DCAF8L2: variants seen among roughly 807,000 people sequenced by gnomAD.
The protein encoded by DCAF8L2 is DDB1- and CUL4-associated factor 8-like protein 2.
For synonymous variants in DCAF8L2, 200 were observed against 190.9 expected, an observed-to-expected ratio of 1.05 and a Z score of -0.39; for missense variants, 430 against 490.7, an observed-to-expected ratio of 0.88 and a Z score of 1.17.
chrX:27,469,655 C>T, the DCAF8L2 span, among the ~76,000 whole-genome samples: 2 of 111,738 alleles, frequency 1.8e-5, no homozygotes, highest in South Asian at 3.7e-4. Flanking sequence ...TAGGGGAAAT[C>T]TTAAACACTT....
intron 4 of DCAF8L2, among the ~76,000 whole-genome samples, chrX:27,721,567 A>T (rs923592901): frequency 1.8e-5 from 2 of 111,733 alleles, no homozygotes; most frequent in African/African-American, 6.5e-5. Flanking sequence ...TTGAAAATGA[A>T]TTGATGGACA....
At chrX:27,483,502 T>A in the DCAF8L2 span, among the ~76,000 whole-genome samples, 18 of 111,580 alleles carry the variant, frequency 1.6e-4, no homozygotes, top group African/African-American at 5.5e-4. Flanking sequence ...GTACATCAAA[T>A]TAGGAAATTT....
At chrX:27,486,237 C>A in the DCAF8L2 span, among the ~76,000 whole-genome samples, 1 of 109,650 alleles carries the variant, frequency 9.1e-6, no homozygotes, top group Non-Finnish European at 1.9e-5. Context: ...AACCTCTGAC[C>A]TCAGGTGATC....
chrX:27,476,302 A>G, the DCAF8L2 span, among the ~76,000 whole-genome samples: 1 of 111,298 alleles, frequency 9.0e-6, no homozygotes, highest in Non-Finnish European at 1.9e-5. Flanking sequence ...TTAGTGAGAA[A>G]TGGTTGTGAT....
chrX:27,581,202 G>A, the DCAF8L2 span, among the ~76,000 whole-genome samples: 1 of 111,835 alleles, frequency 8.9e-6, no homozygotes, highest in Admixed American at 9.5e-5. Context: ...TCCATCAGCA[G>A]CATTAACTTG....
chrX:27,614,131 C>A (rs5926841), intron 1 of DCAF8L2, among the ~76,000 whole-genome samples: 24,326 of 109,979 alleles, frequency 0.22, 2,538 homozygotes, highest in Middle Eastern at 0.31. Flanking sequence ...AATTTCAGAG[C>A]CTGTTATTGG....
chrX:27,614,448 C>G (rs1396416950), intron 1 of DCAF8L2, among the ~76,000 whole-genome samples: 1 of 111,064 alleles, frequency 9.0e-6, no homozygotes, highest in Non-Finnish European at 1.9e-5. Context: ...GTGTCTCTAT[C>G]TCCTTCAGTT....
the DCAF8L2 span, among the ~76,000 whole-genome samples, chrX:27,470,175 G>A: frequency 4.5e-5 from 5 of 112,068 alleles, no homozygotes; most frequent in African/African-American, 1.6e-4. Flanking sequence ...TTTGTTTACA[G>A]TTAATTAAAA....
intron 1 of DCAF8L2, chrX:27,627,330 T>C (rs1928058081): frequency 9.1e-6 from 1 of 109,610 alleles, no homozygotes; most frequent in South Asian, 3.8e-4. Context: ...AAATATTCCT[T>C]TTTTTTTTCT....
chrX:27,550,901 C>G, the DCAF8L2 span, among the ~76,000 whole-genome samples: 2 of 111,140 alleles, frequency 1.8e-5, no homozygotes, highest in East Asian at 5.7e-4. Context: ...ATATTATGTG[C>G]TCACTTCGTG....
At chrX:27,646,146 C>T (rs1928927813) in intron 2 of DCAF8L2, among the ~76,000 whole-genome samples, 1 of 111,638 alleles carries the variant, frequency 9.0e-6, no homozygotes, top group Non-Finnish European at 1.9e-5. Flanking sequence ...AGGCATGATG[C>T]CACCCAACTT....
At chrX:27,740,331 T>C (rs1921775435) in intron 4 of DCAF8L2, among the ~76,000 whole-genome samples, 1 of 111,845 alleles carries the variant, frequency 8.9e-6, no homozygotes, top group African/African-American at 3.3e-5. Context: ...TTTAAGCCAG[T>C]TTAATTTCTC....
At chrX:27,487,619 A>AT in the DCAF8L2 span, among the ~76,000 whole-genome samples, 1 of 112,323 alleles carries the variant, frequency 8.9e-6, no homozygotes, top group African/African-American at 3.2e-5. Flanking sequence ...AATTGAATTG[A>AT]TTTTTAGCAA....
At position 27,648,165 on chromosome X, in the gene DCAF8L2, T is replaced by C. The variant is rs1929012882; in HGVS notation, c.-220+16165T>C. Among the ~76,000 whole-genome samples the C allele has an allele frequency of 3.6e-5, 4 of 111,194 alleles. No individual in the cohort carries two copies. In the South Asian group the frequency reaches 1.5e-3, roughly 41 times the overall value. Reference sequence around the variant, plus strand: ...AAAATGAGGGAGGAAAAAAGGATACTTTTTAATGACCAAGAAACTTAGATA... The same window carrying C: ...AAAATGAGGGAGGAAAAAAGGATACCTTTTAATGACCAAGAAACTTAGATA... On this transcript the variant is annotated intron_variant, in intron 2 of 4. Coordinates refer to ENST00000451261, the MANE Select transcript of DCAF8L2 (RefSeq NM_001353450.2).
chrX:27,712,488 T>G (rs949224636), intron 3 of DCAF8L2: 4 of 112,057 alleles, frequency 3.6e-5, no homozygotes, highest in African/African-American at 1.3e-4. Context: ...TACATATGCA[T>G]GTTTCACAGG....
the DCAF8L2 span, among the ~76,000 whole-genome samples, chrX:27,576,734 T>C: frequency 1.8e-5 from 2 of 112,205 alleles, no homozygotes; most frequent in African/African-American, 6.5e-5. Context: ...AAGTAATTTC[T>C]GGGGAAATAG....
the DCAF8L2 span, among the ~76,000 whole-genome samples, chrX:27,526,714 C>T: frequency 8.9e-6 from 1 of 112,484 alleles, no homozygotes; most frequent in Non-Finnish European, 1.9e-5. Context: ...GTGTGGATGT[C>T]CTTTCTGTTT....
At chrX:27,508,368 C>G in the DCAF8L2 span, among the ~76,000 whole-genome samples, 1 of 110,782 alleles carries the variant, frequency 9.0e-6, no homozygotes, top group Non-Finnish European at 1.9e-5. Flanking sequence ...AGTAGAAGTT[C>G]AGTGAAATAG....
chrX:27,503,133 T>G, the DCAF8L2 span, among the ~76,000 whole-genome samples: 1 of 111,936 alleles, frequency 8.9e-6, no homozygotes. Flanking sequence ...AGCCTTTGCT[T>G]ATTTTCTTGT....
Sources: allele counts gnomAD v4.1 joint callset (sites outside exome capture counted in the v4.1 genomes callset), GRCh38; gene constraint gnomAD v4.1.1; transcripts MANE v1.5; gene names NCBI Gene and HGNC (gene_info 2026-07-23, HGNC 2026-07-21).